AARSD1: variants seen among roughly 807,000 people sequenced by gnomAD.
AARSD1 encodes the protein alanyl-tRNA editing protein Aarsd1.
Under a neutral mutation model 48.7 loss-of-function variants are expected in AARSD1, and 44 were observed. The observed-to-expected ratio is 0.90, with a 90% confidence interval of 0.71 to 1.16. The LOEUF (loss-of-function observed/expected upper bound fraction) is 1.16, where lower values mean the gene tolerates loss of function less well. AARSD1 is among the 50% of genes most tolerant of loss of function. The probability of loss-of-function intolerance (pLI) is 0.00; values close to 1 mark genes in which losing one functional copy is unlikely to be tolerated. For missense variants in AARSD1, 511 were observed against 523.1 expected, an observed-to-expected ratio of 0.98 and a Z score of 0.23; for synonymous variants, 189 against 194.9, an observed-to-expected ratio of 0.97 and a Z score of 0.25.
At chr17:42,959,196 CAAAAAA>C (rs1196945159) in intron 3 of AARSD1, among the ~76,000 whole-genome samples, 1 of 59,964 alleles carries the variant, frequency 1.7e-5, no homozygotes, top group Non-Finnish European at 3.2e-5. Context: ...GACTTTGTCT[CAAAAAA>C]AAAAAAAAAA....
At chr17:42,953,644 T>C (rs1226001165) in intron 10 of AARSD1, 80 bp downstream of exon 10, 15 of 1,589,894 alleles carry the variant, frequency 9.4e-6, no homozygotes, top group African/African-American at 8.1e-5. Flanking sequence ...TGGAGGGACT[T>C]TGGCTAAACT....
At chr17:42,961,090 C>T in intron 3 of AARSD1, 102 bp downstream of exon 3, 1 of 1,458,124 alleles carries the variant, frequency 6.9e-7, no homozygotes, top group Non-Finnish European at 9.0e-7. Flanking sequence ...CTGTCTTTTC[C>T]AAAAGGTTAA....
intron 11 of AARSD1, 55 bp downstream of exon 11, chr17:42,951,745 G>GT (rs1738307790): frequency 1.3e-6 from 2 of 1,576,866 alleles, no homozygotes; most frequent in Non-Finnish European, 1.7e-6. Flanking sequence ...GTAAAGGAAT[G>GT]TATTTGTAGG....
Position 42,950,671 on chromosome 17 carries a change from C to T in AARSD1, c.1161G>A (p.Lys387=). ...CCATCCGCCGGCTCATCTTGGTGGCCTTGCCCTGAAAACGGCCTTTCTTCC... is the reference window on the plus strand; with the variant it reads ...CCATCCGCCGGCTCATCTTGGTGGCTTTGCCCTGAAAACGGCCTTTCTTCC... ...GAGKKGRFQG[K]ATKMSRRMEA... Residue 387 remains lysine (K), a synonymous_variant, in exon 12 of 12, where the codon AAG becomes AAA. Transcript: ENST00000427569. The T allele has an allele frequency of 6.2e-7, 1 of 1,614,006 alleles. No individual in the cohort carries two copies. The highest frequency in any genetic ancestry group is 8.5e-7 in the Non-Finnish European group (1 of 1,180,004).
intron 3 of AARSD1, among the ~76,000 whole-genome samples, chr17:42,959,605 G>A (rs895535614): frequency 6.6e-6 from 1 of 151,686 alleles, no homozygotes; most frequent in Admixed American, 6.6e-5. Flanking sequence ...CGATCTTCCC[G>A]TGTCAGCCTC....
At chr17:42,955,061 T>G (rs1442307759) in intron 8 of AARSD1, 94 bp from the exon 9 acceptor site, 1 of 1,611,764 alleles carries the variant, frequency 6.2e-7, no homozygotes, top group East Asian at 2.2e-5. Flanking sequence ...CACTCCCACT[T>G]TGACAAACTA....
intron 2 of AARSD1, among the ~76,000 whole-genome samples, chr17:42,963,633 C>G (rs548620798): frequency 1.3e-5 from 2 of 152,152 alleles, no homozygotes; most frequent in South Asian, 4.2e-4. Flanking sequence ...CCCTAAAACC[C>G]GAAGCTAATT....
At chr17:42,955,678 T>C in intron 7 of AARSD1, 164 bp downstream of exon 7, 1 of 1,194,784 alleles carries the variant, frequency 8.4e-7, no homozygotes, top group Admixed American at 2.5e-5. Flanking sequence ...CCTGACCTCG[T>C]GATCCGCCCA....
intron 9 of AARSD1, 66 bp downstream of exon 9, chr17:42,954,810 G>C: frequency 6.5e-7 from 1 of 1,538,166 alleles, no homozygotes; most frequent in Non-Finnish European, 9.0e-7. Context: ...ATTGCATATA[G>C]AGAAGACACT....
At chr17:42,951,308 T>C (rs1403786365) in intron 11 of AARSD1, among the ~76,000 whole-genome samples, 1 of 152,134 alleles carries the variant, frequency 6.6e-6, no homozygotes, top group Non-Finnish European at 1.5e-5. Flanking sequence ...TCCCAGCACT[T>C]TGGGAGGGCA....
At position 42,963,957 on chromosome 17, in the gene AARSD1, T is replaced by C. The variant is rs2049674660; in HGVS notation, c.171+149A>G. On this transcript the variant is annotated intron_variant, in intron 2 of 11. Coordinates refer to ENST00000427569, the MANE Select transcript of AARSD1 (RefSeq NM_001261434.2). ...CATATGTTATGTCTAGATAAGCAAT[T>C]GCTGATAAATACTCATTAAATGAAT... 6 of 1,387,500 alleles carry C rather than the reference T, an allele frequency of 4.3e-6. No homozygotes were observed. In the South Asian group the frequency reaches 8.5e-5, roughly 20 times the overall value. The allele number at this position is 1,387,500 out of a possible 1,614,324, so 85.9% of individuals were successfully genotyped here. A position where few individuals can be genotyped will look rare whatever the true frequency, so the allele number is the denominator to read the frequency against.
chr17:42,962,250 A>AGATCAC (rs2049648075), intron 2 of AARSD1: 1 of 279,102 alleles, frequency 3.6e-6, no homozygotes, highest in Non-Finnish European at 7.7e-6. Context: ...CAGTAAGCCG[A>AGATCAC]GATCACGCCG....
chr17:42,957,037 C>G lies in AARSD1; in HGVS notation c.389+101G>C, dbSNP rs552540724. ...CCATTTGGTGGCAATCACAGCTCAC[C>G]ACAGCCTTAATCTCCCCGGCTCAAG... On this transcript the variant is annotated intron_variant, in intron 4 of 11. Transcript: ENST00000427569. The G allele has an allele frequency of 4.2e-6, 6 of 1,442,682 alleles. No individual in the cohort carries two copies. In the Admixed American group the frequency reaches 7.2e-5, roughly 17 times the overall value. The allele number at this position is 1,442,682 out of a possible 1,614,324, so 89.4% of individuals were successfully genotyped here. A position where few individuals can be genotyped will look rare whatever the true frequency, so the allele number is the denominator to read the frequency against.
At chr17:42,952,049 G>A in intron 10 of AARSD1, 155 bp from the exon 11 acceptor site, 1 of 795,778 alleles carries the variant, frequency 1.3e-6, no homozygotes, top group Non-Finnish European at 1.9e-6. Context: ...CTCCACACTG[G>A]CCCACGAGGG....
intron 3 of AARSD1, among the ~76,000 whole-genome samples, chr17:42,958,444 A>G (rs1222739607): frequency 1.3e-5 from 2 of 151,834 alleles, no homozygotes; most frequent in African/African-American, 4.8e-5. Flanking sequence ...GTGAGCCAAG[A>G]TTGCACCACG....
chr17:42,960,234 CT>C (rs2049615762), intron 3 of AARSD1, among the ~76,000 whole-genome samples: 1 of 151,628 alleles, frequency 6.6e-6, no homozygotes. Context: ...TGCCATTGCA[CT>C]CCAGCCTGGG....
intron 10 of AARSD1, among the ~76,000 whole-genome samples, chr17:42,953,248 G>A (rs539484575): frequency 2.6e-5 from 4 of 152,226 alleles, no homozygotes; most frequent in Non-Finnish European, 5.9e-5. Context: ...CCAAAGTGCT[G>A]GAATTACAGG....
At position 42,953,657 on chromosome 17, in the gene AARSD1, C is replaced by T. The variant is rs560098074; in HGVS notation, c.1008+67G>A. On this transcript the variant is annotated intron_variant, in intron 10 of 11. Transcript: ENST00000427569. ...TGTGGAGGGACTTTGGCTAAACTAG[C>T]GCCCCTCACTTATGTCTCCCTAGGT... 1.3e-4 allele frequency: 203 copies of T among 1,607,680 alleles called. 1 individual carries two copies. The South Asian group carries it at 2.0e-3, about 16-fold the overall frequency.
intron 11 of AARSD1, 37 bp downstream of exon 11, chr17:42,951,763 C>T (rs757517364): frequency 6.2e-6 from 10 of 1,601,274 alleles, no homozygotes; most frequent in South Asian, 1.1e-5. Flanking sequence ...AGGATACAGG[C>T]TCTACTACAT....
Sources: allele counts gnomAD v4.1 joint callset (sites outside exome capture counted in the v4.1 genomes callset), GRCh38; gene constraint gnomAD v4.1.1; transcripts MANE v1.5; gene names NCBI Gene and HGNC (gene_info 2026-07-23, HGNC 2026-07-21).